ACVR1C: variants seen among roughly 807,000 people sequenced by gnomAD.
ACVR1C encodes activin A receptor type 1C.
A neutral mutation model predicts 57.9 loss-of-function variants in ACVR1C; 23 were observed. That is an observed-to-expected ratio of 0.40 (90% CI 0.29 to 0.56). The LOEUF (loss-of-function observed/expected upper bound fraction) is 0.56. Among genes scored for constraint, ACVR1C ranks in the 20% least tolerant of loss-of-function variants. The pLI is 0.50. For missense variants in ACVR1C, 480 were observed against 607.9 expected (o/e 0.79, Z 2.21); for synonymous variants, 214 against 215.3 (o/e 0.99, Z 0.05).
Position 157,628,691 on chromosome 2 carries a change from G to A in ACVR1C, c.-47C>T. 2 of 1,473,786 alleles carry A rather than the reference G, an allele frequency of 1.4e-6. No individual in the cohort carries two copies. The highest frequency in any genetic ancestry group is 1.3e-5 in the South Asian group (1 of 74,424). The allele number at this position is 1,473,786 out of a possible 1,614,324, so 91.3% of individuals were successfully genotyped here. ...GGGCTGCGAGGCCCCAGAGCAGAGC[G>A]AGGCAGCCGGGGCAGCACGGCCCGC... On this transcript the variant is annotated 5_prime_UTR_variant, in exon 1 of 9. Coordinates refer to ENST00000243349, the MANE Select transcript of ACVR1C (RefSeq NM_145259.3).
Position 157,555,101 on chromosome 2 carries a change from C to CTTTTTTTTTT in ACVR1C, c.544+982_544+991dup, listed in dbSNP as rs60269781. Among the ~76,000 whole-genome samples the CTTTTTTTTTT allele has an allele frequency of 1.7e-3, 146 of 83,946 alleles. 20 individuals carry two copies. The highest frequency in any genetic ancestry group is 7.2e-3 in the African/African-American group (121 of 16,854). The allele number at this position is 83,946 out of a possible 152,430, so 55.1% of individuals were successfully genotyped here. A position where few individuals can be genotyped will look rare whatever the true frequency, so the allele number is the denominator to read the frequency against. ...ATAATACAGCCTGGTACTTTGAACG[C>CTTTTTTTTTT]TTTTTTTTTTTTTTTTTTTTTTTTT... On this transcript the variant is annotated intron_variant, in intron 3 of 8. Coordinates refer to ENST00000243349, the MANE Select transcript of ACVR1C (RefSeq NM_145259.3).
intron 1 of ACVR1C, among the ~76,000 whole-genome samples, chr2:157,608,200 G>T (rs1298195136): frequency 6.6e-6 from 1 of 151,740 alleles, no homozygotes; most frequent in East Asian, 1.9e-4. Context: ...AAAATGAGTT[G>T]TTAAATTTTA....
chr2:157,580,180 C>G (rs1487301294), intron 2 of ACVR1C, among the ~76,000 whole-genome samples: 2 of 152,114 alleles, frequency 1.3e-5, no homozygotes, highest in Non-Finnish European at 2.9e-5. Context: ...TTCTACATTT[C>G]TACCCAATAT....
intron 3 of ACVR1C, among the ~76,000 whole-genome samples, chr2:157,550,734 C>CAAAAAAAAAAAAA (rs61211065): frequency 1.4e-5 from 2 of 138,618 alleles, no homozygotes; most frequent in Non-Finnish European, 1.5e-5. Flanking sequence ...AGAGTAAAAG[C>CAAAAAAAAAAAAA]AAAAAAAAAA....
intron 2 of ACVR1C, among the ~76,000 whole-genome samples, chr2:157,564,258 C>T (rs1041897045): frequency 6.6e-6 from 1 of 152,086 alleles, no homozygotes; most frequent in Admixed American, 6.6e-5. Context: ...GGAACTTAAA[C>T]AAGTTTACAA....
At chr2:157,583,102 C>G (rs538704772) in intron 2 of ACVR1C, among the ~76,000 whole-genome samples, 7 of 152,154 alleles carry the variant, frequency 4.6e-5, no homozygotes, top group Non-Finnish European at 7.3e-5. Context: ...CTCAAGTGAT[C>G]TGCCCACCGT....
intron 8 of ACVR1C, among the ~76,000 whole-genome samples, chr2:157,535,595 A>G (rs937173470): frequency 6.6e-6 from 1 of 152,174 alleles, no homozygotes; most frequent in African/African-American, 2.4e-5. Flanking sequence ...GGAGAGGCCA[A>G]GGCGGGTGGA....
chr2:157,529,313 C>T lies in ACVR1C; in HGVS notation c.*4605G>A, dbSNP rs1687306015. On this transcript the variant is annotated 3_prime_UTR_variant, in exon 9 of 9. Coordinates refer to ENST00000243349, the MANE Select transcript of ACVR1C (RefSeq NM_145259.3). ...CCCAGTGGTTGCCTACTTAGCTCAA[C>T]AACCATTCTACAACTCTTTCTTAGC... 1 of 152,106 alleles carries T rather than the reference C, an allele frequency of 6.6e-6. No homozygotes were observed. Among genetic ancestry groups the T allele is most frequent in the African/African-American group, 2.4e-5 (1 of 41,434 alleles). 9.4% of individuals were successfully genotyped at this position (152,106 alleles called of 1,614,324 possible).
chr2:157,622,782 T>G (rs1417924685), intron 1 of ACVR1C, among the ~76,000 whole-genome samples: 1 of 152,126 alleles, frequency 6.6e-6, no homozygotes, highest in African/African-American at 2.4e-5. Flanking sequence ...AAAAAGATTC[T>G]GCATGGTAAA....
intron 2 of ACVR1C, among the ~76,000 whole-genome samples, chr2:157,566,063 C>G (rs987678828): frequency 8.5e-5 from 13 of 152,150 alleles, no homozygotes; most frequent in African/African-American, 3.1e-4. Flanking sequence ...ACATACCTAG[C>G]AGAAATGATA....
At chr2:157,535,761 C>G (rs1003503719) in intron 8 of ACVR1C, among the ~76,000 whole-genome samples, 1 of 152,170 alleles carries the variant, frequency 6.6e-6, no homozygotes, top group South Asian at 2.1e-4. Context: ...CCAGCCTGGG[C>G]AACAAAGCAA....
At chr2:157,574,734 A>G (rs1008065052) in intron 2 of ACVR1C, among the ~76,000 whole-genome samples, 1 of 152,180 alleles carries the variant, frequency 6.6e-6, no homozygotes, top group Admixed American at 6.5e-5. Context: ...AAACCAAATA[A>G]ATCAATTGTT....
At chr2:157,594,487 G>T (rs79472742) in intron 1 of ACVR1C, among the ~76,000 whole-genome samples, 1 of 152,006 alleles carries the variant, frequency 6.6e-6, no homozygotes, top group Non-Finnish European at 1.5e-5. Flanking sequence ...ATTTCAGTGG[G>T]TGAGAGAATT....
In ACVR1C at chr2:157,541,230, C is replaced by A; in HGVS notation, c.1101-16G>T. 1 of 1,608,314 alleles carries A rather than the reference C, an allele frequency of 6.2e-7. No individual in the cohort carries two copies. ...AGCCATATACCTTCAAAAACATGTA[C>A]ATTTCAGATTCTGTCTATGACTTTA... On this transcript the variant is annotated splice_polypyrimidine_tract_variant and intron_variant, in intron 6 of 8. Transcript: ENST00000243349.
At chr2:157,591,769 A>T (rs1689057884) in intron 1 of ACVR1C, among the ~76,000 whole-genome samples, 1 of 152,012 alleles carries the variant, frequency 6.6e-6, no homozygotes, top group Non-Finnish European at 1.5e-5. Flanking sequence ...AATATATGTT[A>T]GTTTCACATG....
rs781386359 is a variant in ACVR1C, at chr2:157,544,558, G to A, written c.830C>T (p.Ser277Phe). ...ATTTCTATTCAAATAGTCATATAAG[G>A]AGCCCTGTTCATGATATTCAGATAC... ...WLVSEYHEQGSLYDYLNRNIV... is the reference protein window; with the variant it reads ...WLVSEYHEQGFLYDYLNRNIV... Residue 277 changes from serine to phenylalanine, a missense_variant, in exon 5 of 9, where the codon TCC becomes TTC. By Grantham distance (155) the Ser-to-Phe change is radical. Transcript: ENST00000243349. 4 of 1,613,628 alleles carry A rather than the reference G, an allele frequency of 2.5e-6. No individual in the cohort carries two copies. The highest frequency in any genetic ancestry group is 1.7e-5 in the Admixed American group (1 of 59,980).
intron 3 of ACVR1C, among the ~76,000 whole-genome samples, chr2:157,554,271 G>GAAAAA (rs1448628905): frequency 8.3e-6 from 1 of 121,052 alleles, no homozygotes; most frequent in African/African-American, 3.8e-5. Context: ...AAGAAAGAAA[G>GAAAAA]GAAGGAAGGA....
intron 1 of ACVR1C, among the ~76,000 whole-genome samples, chr2:157,628,104 TA>T (rs1682943738): frequency 6.6e-6 from 1 of 152,082 alleles, no homozygotes; most frequent in Non-Finnish European, 1.5e-5. Context: ...AAACTCAGAC[TA>T]AATCACCACC....
In ACVR1C at chr2:157,533,468, A is replaced by C; in HGVS notation, c.*450T>G. 1 of 152,646 alleles carries C rather than the reference A, an allele frequency of 6.6e-6. No homozygotes were observed. The highest frequency in any genetic ancestry group is 1.5e-5 in the Non-Finnish European group (1 of 68,042). 9.5% of individuals were successfully genotyped at this position (152,646 alleles called of 1,614,324 possible). On this transcript the variant is annotated 3_prime_UTR_variant, in exon 9 of 9. Transcript: ENST00000243349. ...TTTAAAAAGTCCTGCTAACTTAAAA[A>C]GGGGGAAACATAGATTGCATCACCT...
Sources: allele counts gnomAD v4.1 joint callset (sites outside exome capture counted in the v4.1 genomes callset), GRCh38; gene constraint gnomAD v4.1.1; transcripts MANE v1.5; gene names NCBI Gene and HGNC (gene_info 2026-07-23, HGNC 2026-07-21).